The following CDC42BPA variants were observed in gnomAD, a reference collection of about 807,000 sequenced individuals.
CDC42BPA encodes the protein serine/threonine-protein kinase MRCK alpha.
In CDC42BPA, 80 loss-of-function variants were observed where a neutral mutation model predicts 223.5. The ratio of observed to expected loss-of-function variants is 0.36; its 90% CI spans 0.30 to 0.43. The LOEUF is 0.43. Ranked by LOEUF, CDC42BPA falls within the 20% of genes least tolerant of loss-of-function variation. The pLI is 1.00. For synonymous variants in CDC42BPA, 694 were observed against 718.6 expected, an observed-to-expected ratio of 0.97 and a Z score of 0.55; for missense variants, 1,743 against 2,099.9, an observed-to-expected ratio of 0.83 and a Z score of 3.32.
At chr1:227,176,165 C>A (rs980408112) in intron 5 of CDC42BPA, among the ~76,000 whole-genome samples, 2 of 152,110 alleles carry the variant, frequency 1.3e-5, no homozygotes, top group African/African-American at 4.8e-5. Flanking sequence ...GTTAGCCAGG[C>A]TGGTCTCGAA....
At chr1:227,153,669 T>C (rs566348790) in intron 6 of CDC42BPA, among the ~76,000 whole-genome samples, 1 of 151,956 alleles carries the variant, frequency 6.6e-6, no homozygotes, top group African/African-American at 2.4e-5. Context: ...GAAAAGACTA[T>C]AACGTATTAA....
chr1:227,030,281 G>T, intron 29 of CDC42BPA, 127 bp downstream of exon 29: 1 of 628,806 alleles, frequency 1.6e-6, no homozygotes, highest in South Asian at 2.0e-5. Context: ...CGTCAAATTA[G>T]GTCTGGAAAA....
intron 2 of CDC42BPA, among the ~76,000 whole-genome samples, chr1:227,247,491 T>C (rs1179344217): frequency 6.6e-6 from 1 of 152,038 alleles, no homozygotes; most frequent in African/African-American, 2.4e-5. Context: ...TGACAGTCCA[T>C]CTTAAAAAAC....
At chr1:227,297,963 CATAT>C (rs1553440424) in intron 1 of CDC42BPA, among the ~76,000 whole-genome samples, 1 of 138,130 alleles carries the variant, frequency 7.2e-6, no homozygotes, top group Non-Finnish European at 1.6e-5. Context: ...TGTATATATA[CATAT>C]ACACACACAC....
chr1:227,033,955 C>G (rs1387351522), intron 26 of CDC42BPA, among the ~76,000 whole-genome samples: 1 of 150,642 alleles, frequency 6.6e-6, no homozygotes, highest in Non-Finnish European at 1.5e-5. Context: ...TCAGATTTTT[C>G]TTGCCAATAT....
At chr1:227,127,838 A>G (rs1460163056) in intron 11 of CDC42BPA, among the ~76,000 whole-genome samples, 1 of 152,240 alleles carries the variant, frequency 6.6e-6, no homozygotes, top group African/African-American at 2.4e-5. Context: ...CATTTTAAAT[A>G]GTCATTTTTA....
chr1:227,013,406 T>A (rs894770626), intron 34 of CDC42BPA, among the ~76,000 whole-genome samples: 2 of 142,012 alleles, frequency 1.4e-5, no homozygotes, highest in Non-Finnish European at 3.2e-5. Context: ...TTTTTTTTTC[T>A]TAAAGTGGTG....
chr1:227,170,065 A>C (rs1248412403), intron 5 of CDC42BPA, among the ~76,000 whole-genome samples: 1 of 152,110 alleles, frequency 6.6e-6, no homozygotes, highest in Non-Finnish European at 1.5e-5. Flanking sequence ...ACCCATCAAG[A>C]AGATTGTCCC....
At chr1:227,063,489 T>C (rs898141937) in intron 21 of CDC42BPA, among the ~76,000 whole-genome samples, 4 of 152,082 alleles carry the variant, frequency 2.6e-5, no homozygotes, top group Admixed American at 6.5e-5. Flanking sequence ...ATCATGGTTC[T>C]TTCTCTTTAG....
At chr1:227,094,560 G>A (rs1355206070) in intron 15 of CDC42BPA, among the ~76,000 whole-genome samples, 1 of 152,204 alleles carries the variant, frequency 6.6e-6, no homozygotes, top group Non-Finnish European at 1.5e-5. Context: ...TGTGTTCCTG[G>A]CAGCTGTCCT....
intron 2 of CDC42BPA, among the ~76,000 whole-genome samples, chr1:227,245,796 G>C (rs573978546): frequency 6.6e-6 from 1 of 152,284 alleles, no homozygotes; most frequent in African/African-American, 2.4e-5. Flanking sequence ...CTTGGGCAAT[G>C]AATTGCCACT....
intron 14 of CDC42BPA, among the ~76,000 whole-genome samples, chr1:227,110,998 A>G (rs1409037161): frequency 6.6e-6 from 1 of 152,214 alleles, no homozygotes; most frequent in Admixed American, 6.5e-5. Flanking sequence ...GCCAGGGCCA[A>G]ATTAACAATA....
At chr1:227,217,202 T>C (rs2150402470) in intron 2 of CDC42BPA, among the ~76,000 whole-genome samples, 1 of 152,226 alleles carries the variant, frequency 6.6e-6, no homozygotes, top group East Asian at 1.9e-4. Flanking sequence ...ATCCCAGCAC[T>C]TTGGGAAGCC....
intron 31 of CDC42BPA, among the ~76,000 whole-genome samples, chr1:227,023,645 T>C (rs961922222): frequency 5.3e-5 from 8 of 152,196 alleles, no homozygotes; most frequent in African/African-American, 1.9e-4. Context: ...CCAACAGTTA[T>C]ACTAAGCAGA....
intron 35 of CDC42BPA, among the ~76,000 whole-genome samples, chr1:227,002,995 G>A (rs1663185363): frequency 6.6e-6 from 1 of 152,178 alleles, no homozygotes; most frequent in Admixed American, 6.5e-5. Context: ...CTATTTTAAA[G>A]CTCCTAATTT....
intron 2 of CDC42BPA, among the ~76,000 whole-genome samples, chr1:227,240,033 C>T (rs1265784374): frequency 6.6e-6 from 1 of 151,924 alleles, no homozygotes; most frequent in Non-Finnish European, 1.5e-5. Flanking sequence ...AACTAAGAAA[C>T]CAGGGACCAA....
chr1:227,130,086 C>G (rs906864005), intron 10 of CDC42BPA, among the ~76,000 whole-genome samples: 1 of 152,078 alleles, frequency 6.6e-6, no homozygotes, highest in African/African-American at 2.4e-5. Context: ...TCTATTGAGG[C>G]TTATTCCCAG....
intron 5 of CDC42BPA, among the ~76,000 whole-genome samples, chr1:227,168,672 T>C (rs935385231): frequency 6.6e-6 from 1 of 151,860 alleles, no homozygotes; most frequent in Non-Finnish European, 1.5e-5. Context: ...ATTTTTTTTG[T>C]ATTTTTAGTA....
At chr1:227,216,250 A>G (rs1436662126) in intron 2 of CDC42BPA, among the ~76,000 whole-genome samples, 1 of 152,278 alleles carries the variant, frequency 6.6e-6, no homozygotes, top group Non-Finnish European at 1.5e-5. Flanking sequence ...TAAAACACAT[A>G]AAATTTGAAG....
Sources: allele counts gnomAD v4.1 joint callset (sites outside exome capture counted in the v4.1 genomes callset), GRCh38; gene constraint gnomAD v4.1.1; transcripts MANE v1.5; gene names NCBI Gene and HGNC (gene_info 2026-07-23, HGNC 2026-07-21).